Variants in PKNOX2 observed in about 807,000 individuals in gnomAD.
PKNOX2 encodes the protein homeobox protein PKNOX2.
In PKNOX2, 14 loss-of-function variants were observed where a neutral mutation model predicts 53.1. The ratio of observed to expected loss-of-function variants is 0.26; its 90% CI spans 0.17 to 0.41. The LOEUF (loss-of-function observed/expected upper bound fraction) is 0.41. PKNOX2 is among the 10% of genes least tolerant of loss of function. The pLI, the probability that PKNOX2 is intolerant of heterozygous loss-of-function variation, is 1.00. For missense variants in PKNOX2, 496 were observed against 602.8 expected (o/e 0.82, Z 1.85); for synonymous variants, 257 against 242.8 (o/e 1.06, Z -0.54).
chr11:125,284,813 C>A (rs1441554455), intron 2 of PKNOX2, among the ~76,000 whole-genome samples: 2 of 152,268 alleles, frequency 1.3e-5, no homozygotes, highest in African/African-American at 2.4e-5. Flanking sequence ...ATTGGGCCCC[C>A]CTGCTGTCCT....
intron 1 of PKNOX2, chr11:125,190,861 T>G (rs1273193367): frequency 6.6e-6 from 1 of 152,282 alleles, no homozygotes; most frequent in African/African-American, 2.4e-5. Flanking sequence ...AATTATTGTC[T>G]GCACAATTCA....
chr11:125,349,351 A>T (rs190991386), intron 3 of PKNOX2, among the ~76,000 whole-genome samples: 60 of 151,946 alleles, frequency 3.9e-4, no homozygotes, highest in African/African-American at 1.4e-3. Flanking sequence ...CTGCCTGAAG[A>T]GAGAGGCTCC....
intron 1 of PKNOX2, among the ~76,000 whole-genome samples, chr11:125,167,892 T>C (rs777506241): frequency 2.1e-4 from 32 of 152,226 alleles, no homozygotes; most frequent in Non-Finnish European, 3.2e-4. Flanking sequence ...TAAAAGTTAA[T>C]GTCCAAGTGA....
chr11:125,407,709 G>T (rs1259227886), intron 7 of PKNOX2, among the ~76,000 whole-genome samples: 2 of 151,610 alleles, frequency 1.3e-5, no homozygotes, highest in East Asian at 3.9e-4. Context: ...AGACAAGCCT[G>T]GGCAACAGAG....
At position 125,256,309 on chromosome 11, in the gene PKNOX2, A is replaced by G. The variant is rs530308914; in HGVS notation, c.-130+21194A>G. ...CCTAGGACATCAGACAAGCAGAGATAAAAAGGGCTTCAGGGACTGGGTTTC... is the reference window on the plus strand; with the variant it reads ...CCTAGGACATCAGACAAGCAGAGATGAAAAGGGCTTCAGGGACTGGGTTTC... On this transcript the variant is annotated intron_variant, in intron 2 of 12. Transcript: ENST00000298282. Among the ~76,000 whole-genome samples, 38 of 152,138 alleles carry G rather than the reference A, an allele frequency of 2.5e-4. No homozygotes were observed. The South Asian group carries it at 4.4e-3, about 17-fold the overall frequency.
intron 2 of PKNOX2, among the ~76,000 whole-genome samples, chr11:125,268,846 G>A (rs1945556351): frequency 1.3e-5 from 2 of 152,038 alleles, no homozygotes. Context: ...TGGGGTGGGG[G>A]CTGAGGAGGC....
At chr11:125,221,335 G>A (rs1246577244) in intron 1 of PKNOX2, among the ~76,000 whole-genome samples, 1 of 152,108 alleles carries the variant, frequency 6.6e-6, no homozygotes, top group Non-Finnish European at 1.5e-5. Flanking sequence ...AGCCAGGTGA[G>A]GGGAACTCTA....
Position 125,376,460 on chromosome 11 carries a change from C to T in PKNOX2, c.227+8475C>T, listed in dbSNP as rs183833012. 1.3e-4 allele frequency among the ~76,000 whole-genome samples: 20 copies of T among 152,258 alleles called. No individual in the cohort carries two copies. The East Asian group carries it at 3.7e-3, about 28-fold the overall frequency. On this transcript the variant is annotated intron_variant, in intron 5 of 12. Transcript: ENST00000298282. ...GGCTGGACAAGCACCTTCCTCCCTA[C>T]TCCCTCCCCTCCCTCTAAGACCTCA...
chr11:125,254,151 G>A (rs866261359), intron 2 of PKNOX2, among the ~76,000 whole-genome samples: 26 of 152,270 alleles, frequency 1.7e-4, no homozygotes, highest in African/African-American at 3.4e-4. Context: ...CACATCTGAC[G>A]TCCTCAGCAA....
intron 2 of PKNOX2, among the ~76,000 whole-genome samples, chr11:125,288,978 A>C (rs1035849048): frequency 2.6e-5 from 4 of 152,222 alleles, no homozygotes; most frequent in African/African-American, 9.6e-5. Context: ...TCTTCTTGAG[A>C]AAGGGGACCA....
intron 2 of PKNOX2, among the ~76,000 whole-genome samples, chr11:125,248,440 G>A (rs1943726598): frequency 6.6e-6 from 1 of 152,118 alleles, no homozygotes; most frequent in African/African-American, 2.4e-5. Flanking sequence ...TGGGCCATTG[G>A]AATAAGAGAA....
intron 10 of PKNOX2, among the ~76,000 whole-genome samples, chr11:125,428,685 G>A (rs1055858250): frequency 2.0e-5 from 3 of 152,148 alleles, no homozygotes; most frequent in South Asian, 2.1e-4. Context: ...TGCTGGGGGC[G>A]GCAGTGAGGA....
chr11:125,424,938 A>G (rs1956336136), intron 10 of PKNOX2, among the ~76,000 whole-genome samples: 1 of 152,234 alleles, frequency 6.6e-6, no homozygotes, highest in African/African-American at 2.4e-5. Flanking sequence ...GGGAGGTATC[A>G]GAGAGAGATG....
intron 10 of PKNOX2, among the ~76,000 whole-genome samples, chr11:125,424,717 A>G (rs1171183138): frequency 6.6e-6 from 1 of 152,152 alleles, no homozygotes; most frequent in Non-Finnish European, 1.5e-5. Flanking sequence ...CCCTTGGTGA[A>G]CTGGCTCACC....
chr11:125,209,134 A>T (rs1939520297), intron 1 of PKNOX2, among the ~76,000 whole-genome samples: 1 of 152,120 alleles, frequency 6.6e-6, no homozygotes, highest in Non-Finnish European at 1.5e-5. Flanking sequence ...CATCTTATGA[A>T]TTACAAAGCA....
In PKNOX2 at chr11:125,351,314, A is replaced by G; in HGVS notation, c.9A>G (p.Gln3=). ...CCATGTGAATCAATCCCATGATGCA[A>G]CATGCCTCCCCAGCCCCCGCTCTGA... MM[Q]HASPAPALTM... Residue 3 remains glutamine (Q), a synonymous_variant, in exon 4 of 13, where the codon CAA becomes CAG. Coordinates refer to ENST00000298282, the MANE Select transcript of PKNOX2 (RefSeq NM_001382323.2). 6.2e-7 allele frequency: 1 copy of G among 1,601,270 alleles called. No individual in the cohort carries two copies. Among genetic ancestry groups the G allele is most frequent in the South Asian group, 1.1e-5 (1 of 89,820 alleles).
intron 2 of PKNOX2, among the ~76,000 whole-genome samples, chr11:125,294,931 C>T (rs767680654): frequency 6.9e-4 from 105 of 152,222 alleles, no homozygotes; most frequent in Non-Finnish European, 4.0e-4. Flanking sequence ...AAACACCAGG[C>T]GGAGGAACTG....
At chr11:125,355,103 C>A (rs994155792) in intron 4 of PKNOX2, among the ~76,000 whole-genome samples, 2 of 151,806 alleles carry the variant, frequency 1.3e-5, no homozygotes, top group African/African-American at 4.8e-5. Context: ...TCTGTCTCTA[C>A]TAAAAGTACA....
Position 125,232,982 on chromosome 11 carries a change from G to A in PKNOX2, c.-200-2063G>A, listed in dbSNP as rs146495530. Among the ~76,000 whole-genome samples, 594 of 152,020 alleles carry A rather than the reference G, an allele frequency of 3.9e-3. 3 individuals are homozygous for A. Among genetic ancestry groups the A allele is most frequent in the African/African-American group, 0.013 (557 of 41,460 alleles). ...TACAAGAGTCTGTGAAAAAAAAGTG[G>A]GTTTGCACGTGGACGTAGGATATAC... On this transcript the variant is annotated intron_variant, in intron 1 of 12. Transcript: ENST00000298282.
Sources: gnomAD v4.1 joint callset for allele counts (sites outside exome capture counted in the v4.1 genomes callset) on GRCh38, gnomAD v4.1.1 for gene constraint, MANE v1.5 for transcripts, NCBI Gene and HGNC (gene_info 2026-07-23, HGNC 2026-07-21) for gene names.